The following PRMT3 variants were observed in gnomAD, a reference collection of about 807,000 sequenced individuals.
PRMT3 encodes protein arginine N-methyltransferase 3.
In PRMT3, 62 loss-of-function variants were observed where a neutral mutation model predicts 71.9. That is an observed-to-expected ratio of 0.86 (90% CI 0.70 to 1.07). The LOEUF is 1.07. PRMT3 is among the 50% of genes least tolerant of loss of function. The pLI is 0.00. For missense variants in PRMT3, 663 were observed against 643.0 expected (o/e 1.03, Z -0.34); for synonymous variants, 213 against 220.4 (o/e 0.97, Z 0.30).
chr11:20,429,216 T>G (rs1849606472), intron 10 of PRMT3, among the ~76,000 whole-genome samples: 1 of 152,166 alleles, frequency 6.6e-6, no homozygotes, highest in South Asian at 2.1e-4. Flanking sequence ...AGGATAAAAC[T>G]GTTCCATCTC....
chr11:20,422,586 C>G (rs1295643075), intron 9 of PRMT3, among the ~76,000 whole-genome samples: 1 of 152,174 alleles, frequency 6.6e-6, no homozygotes, highest in Non-Finnish European at 1.5e-5. Context: ...CTAGCAGGTT[C>G]TCTAAATCTT....
chr11:20,496,224 G>C (rs772741911), intron 15 of PRMT3, among the ~76,000 whole-genome samples: 1 of 152,134 alleles, frequency 6.6e-6, no homozygotes, highest in Non-Finnish European at 1.5e-5. Flanking sequence ...CATAGTATCT[G>C]GATCAGGTAA....
Position 20,426,822 on chromosome 11 carries a change from A to G in PRMT3, c.950A>G (p.His317Arg). Residue 317 changes from histidine to arginine, a missense_variant, in exon 10 of 16, where the codon CAT becomes CGT. Transcript: ENST00000331079. ...ATTAAAGGAAAGATTGAAGAAGTTCATCTTCCTGTAGAAAAAGTAGATGTT... is the reference window on the plus strand; with the variant it reads ...ATTAAAGGAAAGATTGAAGAAGTTCGTCTTCCTGTAGAAAAAGTAGATGTT... ...TLIKGKIEEV[H>R]LPVEKVDVII... 2 of 1,529,276 alleles carry G rather than the reference A, an allele frequency of 1.3e-6. No individual in the cohort carries two copies. Among genetic ancestry groups the G allele is most frequent in the Non-Finnish European group, 1.7e-6 (2 of 1,150,190 alleles). 94.7% of individuals were successfully genotyped at this position (1,529,276 alleles called of 1,614,324 possible).
In PRMT3 at chr11:20,387,725, G is replaced by T; in HGVS notation, c.-22G>T. 6.6e-7 allele frequency: 1 copy of T among 1,524,518 alleles called. No individual in the cohort carries two copies. 94.4% of individuals were successfully genotyped at this position (1,524,518 alleles called of 1,614,324 possible). A position where few individuals can be genotyped will look rare whatever the true frequency, so the allele number is the denominator to read the frequency against. On this transcript the variant is annotated 5_prime_UTR_variant, in exon 1 of 16. Coordinates refer to ENST00000331079, the MANE Select transcript of PRMT3 (RefSeq NM_005788.4). The surrounding 1 kb of genome is among the most constrained non-coding windows in gnomAD (Gnocchi z 4.3). ...CCCGGTCCCCGCCCCCAGACACGCC[G>T]GGCTCTCGGGGCACCACAGCCATGT...
intron 5 of PRMT3, among the ~76,000 whole-genome samples, chr11:20,394,451 T>C (rs1159143044): frequency 4.6e-5 from 7 of 152,160 alleles, no homozygotes; most frequent in African/African-American, 1.2e-4. Context: ...GTTTTTTTTT[T>C]CCTCCAGTTT....
Position 20,390,836 on chromosome 11 carries a change from G to A in PRMT3, c.247+1010G>A, listed in dbSNP as rs146754477. Among the ~76,000 whole-genome samples the A allele has an allele frequency of 5.9e-5, 9 of 152,300 alleles. No homozygotes were observed. In the East Asian group the frequency reaches 1.7e-3, roughly 29 times the overall value. On this transcript the variant is annotated intron_variant, in intron 3 of 15. Transcript: ENST00000331079. ...GAGGCCAAGGCGGATGGATCACAAG[G>A]TCAGGAGATCGAGACCATCCTGGCT... is the stretch of plus-strand genomic sequence containing the variant.
At chr11:20,408,134 T>G in intron 9 of PRMT3, 102 bp downstream of exon 9, 3 of 802,494 alleles carry the variant, frequency 3.7e-6, no homozygotes, top group Non-Finnish European at 5.3e-6. Context: ...ACTAAAGACA[T>G]TTGTCTTTTA....
intron 13 of PRMT3, among the ~76,000 whole-genome samples, chr11:20,487,546 G>C (rs771545657): frequency 6.6e-6 from 1 of 152,192 alleles, no homozygotes; most frequent in Non-Finnish European, 1.5e-5. Context: ...ATAGGTGCAT[G>C]AGGGGGACTA....
At chr11:20,412,947 G>A (rs1318826514) in intron 9 of PRMT3, among the ~76,000 whole-genome samples, 1 of 152,062 alleles carries the variant, frequency 6.6e-6, no homozygotes, top group East Asian at 1.9e-4. Flanking sequence ...CTATAGTGGG[G>A]TCAGAATTAG....
At chr11:20,453,654 A>G (rs1420975381) in intron 11 of PRMT3, among the ~76,000 whole-genome samples, 2 of 152,068 alleles carry the variant, frequency 1.3e-5, no homozygotes, top group Non-Finnish European at 2.9e-5. Context: ...AATCTCTGTC[A>G]TGAACCTGGC....
At chr11:20,470,566 C>T (rs1393072830) in intron 13 of PRMT3, among the ~76,000 whole-genome samples, 8 of 152,134 alleles carry the variant, frequency 5.3e-5, no homozygotes, top group African/African-American at 1.7e-4. Flanking sequence ...GACATGATCT[C>T]GTTCCTTTTT....
chr11:20,432,434 T>A (rs1369090519), intron 10 of PRMT3, among the ~76,000 whole-genome samples: 1 of 152,140 alleles, frequency 6.6e-6, no homozygotes, highest in Non-Finnish European at 1.5e-5. Context: ...TGTATATATG[T>A]CACATTTTTT....
At chr11:20,435,383 G>T (rs1849739955) in intron 10 of PRMT3, among the ~76,000 whole-genome samples, 2 of 152,072 alleles carry the variant, frequency 1.3e-5, no homozygotes, top group South Asian at 4.1e-4. Flanking sequence ...TGTGTTTTCA[G>T]TAGAGATGGG....
At position 20,395,456 on chromosome 11, in the gene PRMT3, G is replaced by A. The variant is rs956199972; in HGVS notation, c.401-347G>A. Among the ~76,000 whole-genome samples the A allele has an allele frequency of 7.2e-5, 11 of 151,794 alleles. 2 individuals are homozygous for A. Among genetic ancestry groups the A allele is most frequent in the Admixed American group, 7.2e-4 (11 of 15,232 alleles). On this transcript the variant is annotated intron_variant, in intron 5 of 15. Coordinates refer to ENST00000331079, the MANE Select transcript of PRMT3 (RefSeq NM_005788.4). Reference sequence around the variant, plus strand: ...CTTCCGAGGTTCAAGCAATTCTTCTGCCTCAGCCTCCCAGGTAGCTGGGAC... The same window carrying A: ...CTTCCGAGGTTCAAGCAATTCTTCTACCTCAGCCTCCCAGGTAGCTGGGAC...
At chr11:20,418,542 A>G (rs1056758363) in intron 9 of PRMT3, among the ~76,000 whole-genome samples, 9 of 152,348 alleles carry the variant, frequency 5.9e-5, no homozygotes, top group South Asian at 4.1e-4. Flanking sequence ...GTAGCAGACA[A>G]TAAACAGGCC....
chr11:20,493,928 G>A lies in PRMT3; in HGVS notation c.1357G>A (p.Gly453Ser). Residue 453 changes from glycine (G) to serine (S), a missense_variant, in exon 14 of 16, where the codon GGC becomes AGC. Gly to Ser is a moderately conservative substitution (Grantham distance 56). Coordinates refer to ENST00000331079, the MANE Select transcript of PRMT3 (RefSeq NM_005788.4). ...TTTTTTTAAAAAACAGGCAATTGCT[G>A]GCTACTTTGATATATATTTTGAGAA... ...TRTSMCTAIA[G>S]YFDIYFEKNC... 6.3e-7 allele frequency: 1 copy of A among 1,586,166 alleles called. No individual in the cohort carries two copies. Among genetic ancestry groups the A allele is most frequent in the South Asian group, 1.1e-5 (1 of 87,894 alleles).
chr11:20,422,156 C>G (rs547023832), intron 9 of PRMT3, among the ~76,000 whole-genome samples: 53 of 152,290 alleles, frequency 3.5e-4, no homozygotes, highest in African/African-American at 1.3e-3. Context: ...CCCTTCTACT[C>G]AGTAGTATGT....
chr11:20,440,388 G>A (rs1849860052), intron 10 of PRMT3, among the ~76,000 whole-genome samples: 2 of 150,082 alleles, frequency 1.3e-5, no homozygotes, highest in Admixed American at 1.3e-4. Flanking sequence ...GCTCACGCCT[G>A]TAATCCCAGC....
intron 13 of PRMT3, among the ~76,000 whole-genome samples, chr11:20,477,376 C>T (rs1850817539): frequency 6.6e-6 from 1 of 151,934 alleles, no homozygotes; most frequent in South Asian, 2.1e-4. Flanking sequence ...AGGGGTTCAA[C>T]ACCAGCCCAG....
Sources: gnomAD v4.1 joint callset for allele counts (sites outside exome capture counted in the v4.1 genomes callset) on GRCh38, gnomAD v4.1.1 for gene constraint, Gnocchi (gnomAD v3.1) non-coding constraint, MANE v1.5 for transcripts, NCBI Gene and HGNC (gene_info 2026-07-23, HGNC 2026-07-21) for gene names.